ANKRD33B: variants seen among roughly 807,000 people sequenced by gnomAD.
ANKRD33B encodes ankyrin repeat domain 33B, also known as ankyrin repeat domain-containing protein 33B.
Under a neutral mutation model 21.5 loss-of-function variants are expected in ANKRD33B, and 6 were observed. The ratio of observed to expected loss-of-function variants is 0.28; its 90% confidence interval spans 0.15 to 0.55. ANKRD33B has a LOEUF of 0.55. Ranked by LOEUF, ANKRD33B falls within the 20% of genes least tolerant of loss-of-function variation. ANKRD33B has a pLI of 0.94. For missense variants in ANKRD33B, 698 were observed against 747.2 expected, an observed-to-expected ratio of 0.93 and a Z score of 0.77; for synonymous variants, 347 against 342.4, an observed-to-expected ratio of 1.01 and a Z score of -0.15.
At chr5:10,647,864 C>T (rs1737224413) in intron 3 of ANKRD33B, among the ~76,000 whole-genome samples, 1 of 152,326 alleles carries the variant, frequency 6.6e-6, no homozygotes, top group South Asian at 2.1e-4. Flanking sequence ...GGGTAATCTC[C>T]TTGACTTAGA....
chr5:10,631,767 G>T (rs1254208322), intron 2 of ANKRD33B, among the ~76,000 whole-genome samples: 1 of 152,228 alleles, frequency 6.6e-6, no homozygotes, highest in Non-Finnish European at 1.5e-5. Flanking sequence ...CATGATCTGA[G>T]GGTGGAGTTT....
In ANKRD33B at chr5:10,638,172, T is replaced by A. The variant is rs1404911786; in HGVS notation, c.637+4T>A. 6.5e-7 allele frequency: 1 copy of A among 1,537,336 alleles called. No individual in the cohort carries two copies. Among genetic ancestry groups the A allele is most frequent in the Non-Finnish European group, 8.7e-7 (1 of 1,146,860 alleles). On this transcript the variant is annotated splice_donor_region_variant and intron_variant, in intron 3 of 3. Transcript: ENST00000296657. ...ATCCGAGCCCTGATGCTAGCAGGTA[T>A]GTCCACCTGTCCTGTGCAGCTTCCA...
chr5:10,595,170 A>G (rs1735792616), intron 1 of ANKRD33B, among the ~76,000 whole-genome samples: 1 of 152,130 alleles, frequency 6.6e-6, no homozygotes, highest in African/African-American at 2.4e-5. Context: ...GGAGGGTTAC[A>G]TCCTGAGCAG....
Position 10,650,260 on chromosome 5 carries a change from C to A in ANKRD33B, c.*147C>A. On this transcript the variant is annotated 3_prime_UTR_variant, in exon 4 of 4. Coordinates refer to ENST00000296657, the MANE Select transcript of ANKRD33B (RefSeq NM_001164440.2). ...TGCGCGCATTTCCAGGCTGTTTGTC[C>A]AGGCTGCTTCCAAGAGAGGGCTGAG... The A allele has an allele frequency of 1.1e-6, 1 of 920,844 alleles. No individual in the cohort carries two copies. Among genetic ancestry groups the A allele is most frequent in the Non-Finnish European group, 1.5e-6 (1 of 682,444 alleles). The allele number at this position is 920,844 out of a possible 1,614,324, so 57.0% of individuals were successfully genotyped here. A position where few individuals can be genotyped will look rare whatever the true frequency, so the allele number is the denominator to read the frequency against.
Position 10,650,176 on chromosome 5 carries a change from C to T in ANKRD33B, c.*63C>T. 1.4e-6 allele frequency: 2 copies of T among 1,394,104 alleles called. No homozygotes were observed. The highest frequency in any genetic ancestry group is 1.9e-6 in the Non-Finnish European group (2 of 1,078,768). The allele number at this position is 1,394,104 out of a possible 1,614,324, so 86.4% of individuals were successfully genotyped here. A position where few individuals can be genotyped will look rare whatever the true frequency, so the allele number is the denominator to read the frequency against. ...CGGGGCGGGGCCGCAGGGCTGGGCG[C>T]GGAGAAGGAGGCGGCCCCGTTGCGC... is the stretch of plus-strand genomic sequence containing the variant. On this transcript the variant is annotated 3_prime_UTR_variant, in exon 4 of 4. Coordinates refer to ENST00000296657, the MANE Select transcript of ANKRD33B (RefSeq NM_001164440.2).
In ANKRD33B at chr5:10,655,188, G is replaced by C. The variant is rs935470020; in HGVS notation, c.*5075G>C. 1.0e-4 allele frequency: 16 copies of C among 152,424 alleles called. No individual in the cohort carries two copies. The highest frequency in any genetic ancestry group is 3.9e-4 in the African/African-American group (16 of 41,466). 9.4% of individuals were successfully genotyped at this position (152,424 alleles called of 1,614,324 possible). ...CCCTCTGCCCGCTTCTCTCCCTGCT[G>C]TTGGCGGTGACCAGGTCTCAGGAGC... On this transcript the variant is annotated 3_prime_UTR_variant, in exon 4 of 4. Coordinates refer to ENST00000296657, the MANE Select transcript of ANKRD33B (RefSeq NM_001164440.2).
intron 1 of ANKRD33B, among the ~76,000 whole-genome samples, chr5:10,603,520 C>T (rs1735976757): frequency 6.6e-6 from 1 of 152,174 alleles, no homozygotes; most frequent in South Asian, 2.1e-4. Flanking sequence ...GCGTTGGCCT[C>T]CCAAAGTACT....
chr5:10,629,143 C>G (rs1579746121), intron 2 of ANKRD33B, among the ~76,000 whole-genome samples: 1 of 152,078 alleles, frequency 6.6e-6, no homozygotes, highest in East Asian at 1.9e-4. Context: ...TGGTCAGAGG[C>G]CCCTGTTGGT....
At chr5:10,602,045 A>T in intron 1 of ANKRD33B, among the ~76,000 whole-genome samples, 1 of 152,268 alleles carries the variant, frequency 6.6e-6, no homozygotes, top group East Asian at 1.9e-4. Flanking sequence ...TGGGCAAGAC[A>T]AGAAGGTGGG....
chr5:10,570,092 G>T (rs371788638), intron 1 of ANKRD33B, among the ~76,000 whole-genome samples: 8 of 152,228 alleles, frequency 5.3e-5, no homozygotes, highest in African/African-American at 1.9e-4. Context: ...GGCCAGGCTG[G>T]TCTCGAACTC....
intron 1 of ANKRD33B, among the ~76,000 whole-genome samples, chr5:10,595,845 C>T (rs1735805785): frequency 6.6e-6 from 1 of 152,192 alleles, no homozygotes; most frequent in South Asian, 2.1e-4. Context: ...TGTCCATCAT[C>T]CATTTTTTTG....
rs1736381685 is a variant in ANKRD33B, at chr5:10,619,932, T to G, written c.496+1470T>G. 6.6e-6 allele frequency among the ~76,000 whole-genome samples: 1 copy of G among 152,012 alleles called. No individual in the cohort carries two copies. Among genetic ancestry groups the G allele is most frequent in the Non-Finnish European group, 1.5e-5 (1 of 67,980 alleles). ...ATCTAGCCTGAAGTTCATGATAAGGTCTTGCAAGAAGGGGATTTGAGCTGG... is the reference window on the plus strand; with the variant it reads ...ATCTAGCCTGAAGTTCATGATAAGGGCTTGCAAGAAGGGGATTTGAGCTGG... On this transcript the variant is annotated intron_variant, in intron 2 of 3. Coordinates refer to ENST00000296657, the MANE Select transcript of ANKRD33B (RefSeq NM_001164440.2). The surrounding 1 kb of genome is among the most constrained non-coding windows in gnomAD (Gnocchi z 4.5).
At chr5:10,632,402 G>A (rs533971624) in intron 2 of ANKRD33B, among the ~76,000 whole-genome samples, 185 of 152,326 alleles carry the variant, frequency 1.2e-3, no homozygotes, top group African/African-American at 4.3e-3. Flanking sequence ...GGTCGGGCCC[G>A]GGTGGCGTGG....
Position 10,624,649 on chromosome 5 carries a change from A to G in ANKRD33B, c.496+6187A>G, listed in dbSNP as rs562150392. ...ACACCATTTAAACAAACACAGATTA[A>G]AAAGCTTCCTTGTGTGTGTCTTAAT... On this transcript the variant is annotated intron_variant, in intron 2 of 3. Coordinates refer to ENST00000296657, the MANE Select transcript of ANKRD33B (RefSeq NM_001164440.2). The G allele has an allele frequency of 3.8e-4, 164 of 429,946 alleles. 1 individual carries two copies. Among genetic ancestry groups the G allele is most frequent in the Middle Eastern group, 1.0e-3 (3 of 2,898 alleles). The allele number at this position is 429,946 out of a possible 1,614,324, so 26.6% of individuals were successfully genotyped here.
At chr5:10,637,645 T>G (rs1736902303) in intron 2 of ANKRD33B, among the ~76,000 whole-genome samples, 1 of 152,082 alleles carries the variant, frequency 6.6e-6, no homozygotes, top group Non-Finnish European at 1.5e-5. Flanking sequence ...TGCATCTGTT[T>G]GCACGGGCGT....
At chr5:10,611,044 AAAAT>A (rs1046526832) in intron 1 of ANKRD33B, among the ~76,000 whole-genome samples, 4 of 152,096 alleles carry the variant, frequency 2.6e-5, no homozygotes, top group Non-Finnish European at 5.9e-5. Flanking sequence ...ACTCCTTCTC[AAAAT>A]AAATAAATAA....
chr5:10,596,636 T>C lies in ANKRD33B; in HGVS notation c.367-21697T>C, dbSNP rs1735822558. On this transcript the variant is annotated intron_variant, in intron 1 of 3. Transcript: ENST00000296657. ...GGAAAACATAATTCAGGATATCATT[T>C]GTGAGAACTTCCCCAACCTAGTAAG... is the stretch of plus-strand genomic sequence containing the variant. Among the ~76,000 whole-genome samples, 3 of 152,198 alleles carry C rather than the reference T, an allele frequency of 2.0e-5. 1 individual carries two copies. In the South Asian group the frequency reaches 6.2e-4, roughly 32 times the overall value.
chr5:10,633,379 G>A (rs1579748921), intron 2 of ANKRD33B, among the ~76,000 whole-genome samples: 1 of 152,188 alleles, frequency 6.6e-6, no homozygotes, highest in Non-Finnish European at 1.5e-5. Context: ...GATTACAGGC[G>A]TGCGCCACTG....
intron 1 of ANKRD33B, among the ~76,000 whole-genome samples, chr5:10,605,940 G>T (rs1019564910): frequency 1.3e-5 from 2 of 152,212 alleles, no homozygotes; most frequent in Non-Finnish European, 2.9e-5. Flanking sequence ...AAGATTAAGT[G>T]AATCAATGGT....
Sources: allele counts gnomAD v4.1 joint callset (sites outside exome capture counted in the v4.1 genomes callset), GRCh38; gene constraint gnomAD v4.1.1; non-coding constraint Gnocchi (gnomAD v3.1); transcripts MANE v1.5; gene names NCBI Gene and HGNC (gene_info 2026-07-23, HGNC 2026-07-21).